Variants in IPCEF1 observed in about 807,000 individuals in gnomAD.
The protein encoded by IPCEF1 is interaction protein for cytohesin exchange factors 1.
In IPCEF1, 31 loss-of-function variants were observed where a neutral mutation model predicts 50.9. That is an observed-to-expected ratio of 0.61 (90% CI 0.46 to 0.82). The LOEUF is 0.82. Among genes scored for constraint, IPCEF1 ranks in the 40% least tolerant of loss-of-function variants. The pLI is 0.00. For synonymous variants in IPCEF1, 181 were observed against 192.0 expected (o/e 0.94, Z 0.47); for missense variants, 458 against 514.0 (o/e 0.89, Z 1.05).
At chr6:154,204,440 G>A (rs1480172366) in intron 9 of IPCEF1, among the ~76,000 whole-genome samples, 1 of 152,112 alleles carries the variant, frequency 6.6e-6, no homozygotes, top group African/African-American at 2.4e-5. Context: ...CCTTGTATTG[G>A]CCATATTAGC....
intron 9 of IPCEF1, among the ~76,000 whole-genome samples, chr6:154,209,024 T>C (rs1777738288): frequency 6.6e-6 from 1 of 152,204 alleles, no homozygotes; most frequent in South Asian, 2.1e-4. Context: ...TGAAGGAAGA[T>C]TTCCTGACAT....
At chr6:154,262,072 C>T (rs11966376) in intron 3 of IPCEF1, among the ~76,000 whole-genome samples, 1 of 152,060 alleles carries the variant, frequency 6.6e-6, no homozygotes, top group African/African-American at 2.4e-5. Flanking sequence ...GTAGGGTAAC[C>T]ACTGAAAAGC....
chr6:154,209,321 T>C (rs545768599), intron 9 of IPCEF1, among the ~76,000 whole-genome samples: 3 of 152,312 alleles, frequency 2.0e-5, no homozygotes, highest in Admixed American at 6.5e-5. Context: ...TAGCCTATAC[T>C]GTATTGGGCC....
intron 5 of IPCEF1, among the ~76,000 whole-genome samples, chr6:154,233,402 T>C (rs1779873212): frequency 6.6e-6 from 1 of 152,230 alleles, no homozygotes; most frequent in Non-Finnish European, 1.5e-5. Flanking sequence ...CTTCATGTAT[T>C]ATTTGGGGTA....
At chr6:154,231,313 T>G (rs1483507105) in intron 5 of IPCEF1, among the ~76,000 whole-genome samples, 1 of 152,242 alleles carries the variant, frequency 6.6e-6, no homozygotes, top group Non-Finnish European at 1.5e-5. Context: ...CTGGTGGTAA[T>G]GCAAAATGGA....
chr6:154,295,917 A>ACACACACACACACG (rs1782644839), intron 1 of IPCEF1, among the ~76,000 whole-genome samples: 1 of 129,076 alleles, frequency 7.7e-6, no homozygotes, highest in Admixed American at 9.1e-5. Flanking sequence ...ACACGCACAC[A>ACACACACACACACG]CACACACACA....
At chr6:154,302,366 C>G (rs1311366688) in intron 1 of IPCEF1, among the ~76,000 whole-genome samples, 2 of 152,222 alleles carry the variant, frequency 1.3e-5, no homozygotes, top group African/African-American at 2.4e-5. Context: ...GTTGTAACCA[C>G]ATGATATGGT....
rs3045866 is a variant in IPCEF1, at chr6:154,290,893, C to CTTTTTTTTTTTTTTTTTTTTTTTTTTTT, written c.-61-1138_-61-1137insAAAAAAAAAAAAAAAAAAAAAAAAAAAA. ...AATTTTTCCAGTAGGAATATATTGC[C>CTTTTTTTTTTTTTTTTTTTTTTTTTTTT]TTTTTTTTTTTTTTGAGACAGAGTC... On this transcript the variant is annotated intron_variant, in intron 1 of 11. Transcript: ENST00000367220. 3.4e-4 allele frequency among the ~76,000 whole-genome samples: 43 copies of CTTTTTTTTTTTTTTTTTTTTTTTTTTTT among 127,294 alleles called. 3 individuals are homozygous for CTTTTTTTTTTTTTTTTTTTTTTTTTTTT. Among genetic ancestry groups the CTTTTTTTTTTTTTTTTTTTTTTTTTTTT allele is most frequent in the African/African-American group, 1.3e-3 (41 of 31,556 alleles). The allele number at this position is 127,294 out of a possible 152,430, so 83.5% of individuals were successfully genotyped here.
At chr6:154,167,869 G>C (rs374571338) in intron 11 of IPCEF1, 51 bp downstream of exon 11, 60 of 1,376,756 alleles carry the variant, frequency 4.4e-5, no homozygotes, top group Non-Finnish European at 5.5e-5. Context: ...AGAACCAGCC[G>C]TTCCTTGCCC....
At chr6:154,206,166 C>A (rs755361483) in intron 9 of IPCEF1, among the ~76,000 whole-genome samples, 6 of 152,154 alleles carry the variant, frequency 3.9e-5, no homozygotes, top group South Asian at 2.1e-4. Flanking sequence ...CAAGTGATAT[C>A]CCATAAAGAA....
At chr6:154,291,680 G>GTTTTTTTTTTTTTTT (rs34064925) in intron 1 of IPCEF1, among the ~76,000 whole-genome samples, 1 of 104,508 alleles carries the variant, frequency 9.6e-6, no homozygotes, top group Non-Finnish European at 1.8e-5. Context: ...CTCAGGAAAG[G>GTTTTTTTTTTTTTTT]TTTTTTTTTT....
At chr6:154,199,637 C>T (rs759986941) in intron 10 of IPCEF1, 31 bp downstream of exon 10, 1 of 1,546,078 alleles carries the variant, frequency 6.5e-7, no homozygotes, top group Admixed American at 1.9e-5. Flanking sequence ...TATTCACTCT[C>T]TAACGAAGAA....
intron 3 of IPCEF1, among the ~76,000 whole-genome samples, chr6:154,257,010 A>G (rs1038374063): frequency 6.6e-6 from 1 of 152,202 alleles, no homozygotes; most frequent in Non-Finnish European, 1.5e-5. Context: ...TGTTCAGTAG[A>G]TTAGGTGTAT....
intron 1 of IPCEF1, among the ~76,000 whole-genome samples, chr6:154,331,607 G>A (rs182379422): frequency 3.9e-5 from 6 of 152,232 alleles, no homozygotes; most frequent in South Asian, 4.1e-4. Context: ...GAAAACACCC[G>A]AAGCTGGTGA....
chr6:154,195,938 T>C (rs1432419397), intron 10 of IPCEF1, among the ~76,000 whole-genome samples: 1 of 151,890 alleles, frequency 6.6e-6, no homozygotes, highest in Admixed American at 6.6e-5. Flanking sequence ...ATTACAGGTG[T>C]GTGCCACCAT....
intron 5 of IPCEF1, among the ~76,000 whole-genome samples, chr6:154,232,384 T>C (rs1438734103): frequency 6.6e-6 from 1 of 152,150 alleles, no homozygotes; most frequent in Non-Finnish European, 1.5e-5. Context: ...AGACCTAGCA[T>C]TTATTGAGCG....
intron 1 of IPCEF1, among the ~76,000 whole-genome samples, chr6:154,329,759 G>A (rs1757867421): frequency 1.3e-5 from 2 of 151,598 alleles, no homozygotes; most frequent in South Asian, 2.1e-4. Context: ...CATTTTCCTC[G>A]CAAACAGCTC....
intron 5 of IPCEF1, among the ~76,000 whole-genome samples, chr6:154,241,687 T>G (rs1460514405): frequency 6.6e-6 from 1 of 152,172 alleles, no homozygotes; most frequent in African/African-American, 2.4e-5. Context: ...CGCCTGCATT[T>G]TCTCACCATC....
At chr6:154,163,551 A>G (rs976318710) in intron 11 of IPCEF1, among the ~76,000 whole-genome samples, 1 of 152,244 alleles carries the variant, frequency 6.6e-6, no homozygotes, top group Admixed American at 6.5e-5. Context: ...CTACTAAAAC[A>G]TAAGCTTCCG....
Sources: gnomAD v4.1 joint callset for allele counts (sites outside exome capture counted in the v4.1 genomes callset) on GRCh38, gnomAD v4.1.1 for gene constraint, MANE v1.5 for transcripts, NCBI Gene and HGNC (gene_info 2026-07-23, HGNC 2026-07-21) for gene names.